PRMT1: variants seen among roughly 807,000 people sequenced by gnomAD.
PRMT1 encodes protein arginine N-methyltransferase 1.
Under a neutral mutation model 47.4 loss-of-function variants are expected in PRMT1, and 5 were observed. The observed-to-expected ratio is 0.11, with a 90% CI of 0.06 to 0.22. The LOEUF is 0.22. PRMT1 is among the 10% of genes least tolerant of loss of function. The probability of loss-of-function intolerance (pLI) is 1.00; values close to 1 mark genes in which losing one functional copy is unlikely to be tolerated. For synonymous variants in PRMT1, 227 were observed against 204.6 expected, an observed-to-expected ratio of 1.11 and a Z score of -0.94; for missense variants, 249 against 518.4, an observed-to-expected ratio of 0.48 and a Z score of 5.05.
At chr19:49,677,215 G>T (rs1275625635), upstream of PRMT1, 5 of 1,374,890 alleles carry the variant, frequency 3.6e-6, no homozygotes, top group African/African-American at 4.5e-5. Context: ...GGTATAAGGC[G>T]GTCCCGGGGG....
rs778185112 is a variant in PRMT1 at position 49,685,179 on chromosome 19, G to C, written c.759+142G>C. 1 of 1,546,842 alleles carries C rather than the reference G, an allele frequency of 6.5e-7. No homozygotes were observed. ...TCTGCCAGCCAGAGGTGGTGCTAGA[G>C]GCCCAGGAAAGACACTTCGTCCTTT... On this transcript the variant is annotated intron_variant, in intron 8 of 10. Transcript: ENST00000454376. This position sits in a 1 kb window ranked among gnomAD's most constrained non-coding sequence, Gnocchi z 4.7.
In PRMT1 at chr19:49,685,500, G is replaced by C. The variant is rs2082191396; in HGVS notation, c.759+463G>C. On this transcript the variant is annotated intron_variant, in intron 8 of 10. Transcript: ENST00000454376. This position sits in a 1 kb window ranked among gnomAD's most constrained non-coding sequence, Gnocchi z 4.7. The stretch of plus-strand genomic sequence containing the variant: ...ACTCCAGCTTTGGTGACAATGTTTT[G>C]TTTTGTTTTTTCCTTTTGTTTTTTT... 1 of 1,018,162 alleles carries C rather than the reference G, an allele frequency of 9.8e-7. No individual in the cohort carries two copies. The highest frequency in any genetic ancestry group is 1.7e-5 in the African/African-American group (1 of 57,628). 63.1% of individuals were successfully genotyped at this position (1,018,162 alleles called of 1,614,324 possible).
At chr19:49,686,570 C>G (rs1438484891) in intron 9 of PRMT1, 35 bp from the exon 10 acceptor site, 4 of 1,591,808 alleles carry the variant, frequency 2.5e-6, no homozygotes, top group Non-Finnish European at 3.4e-6. Flanking sequence ...GGGGGGGCAG[C>G]AGGCCGAGGC....
chr19:49,677,628 T>G, intron 1 of PRMT1: 12 of 244,544 alleles, frequency 4.9e-5, no homozygotes, highest in East Asian at 7.3e-5. Flanking sequence ...CCGAGTCCAG[T>G]GGCCCGGCGG....
rs934096235 is a variant in PRMT1, at chr19:49,686,174, G to A, written c.841G>A (p.Val281Met). The A allele has an allele frequency of 2.5e-6, 4 of 1,614,018 alleles. No individual in the cohort carries two copies. The highest frequency in any genetic ancestry group is 2.2e-5 in the East Asian group (1 of 44,874). The change falls in exon 9 of 11, where the codon GTG becomes ATG. Residue 281 changes from valine (V) to methionine (M), a missense_variant. This residue lies in a region of PRMT1 where 190 missense variants were observed against 456.7 expected (regional missense o/e 0.42). Transcript: ENST00000454376. ...FCLQVKRNDY[V>M]HALVAYFNIE... ...CCTGCAAGTGAAGCGGAATGACTACGTGCACGCCCTGGTGGCCTACTTCAA... is the reference window on the plus strand; with the variant it reads ...CCTGCAAGTGAAGCGGAATGACTACATGCACGCCCTGGTGGCCTACTTCAA...
chr19:49,679,385 A>G (rs1286779402), intron 1 of PRMT1, among the ~76,000 whole-genome samples: 1 of 152,134 alleles, frequency 6.6e-6, no homozygotes, highest in Admixed American at 6.5e-5. Flanking sequence ...TCTATTCTGG[A>G]ATCCTCTCAG....
At chr19:49,677,938 G>C (rs1361503625) in intron 1 of PRMT1, among the ~76,000 whole-genome samples, 1 of 152,120 alleles carries the variant, frequency 6.6e-6, no homozygotes, top group Non-Finnish European at 1.5e-5. Flanking sequence ...GTCCCCCGCC[G>C]ACCCCGTTTC....
Position 49,688,336 on chromosome 19 carries a change from A to C in PRMT1, c.*91A>C. 8.5e-7 allele frequency: 1 copy of C among 1,175,732 alleles called. No individual in the cohort carries two copies. Among genetic ancestry groups the C allele is most frequent in the Non-Finnish European group, 1.3e-6 (1 of 797,168 alleles). The allele number at this position is 1,175,732 out of a possible 1,614,324, so 72.8% of individuals were successfully genotyped here. A position where few individuals can be genotyped will look rare whatever the true frequency, so the allele number is the denominator to read the frequency against. On this transcript the variant is annotated 3_prime_UTR_variant, in exon 11 of 11. Coordinates refer to ENST00000454376, the MANE Select transcript of PRMT1 (RefSeq NM_001536.6). The surrounding 1 kb of genome is among the most constrained non-coding windows in gnomAD (Gnocchi z 5.3). ...CCTTCCTCTCCCTCCCTCCCGCAGA[A>C]GGGGGTTTTAGGGGCCTGGGCTGGG...
chr19:49,683,689 A>G (rs1230486373), intron 5 of PRMT1: 4 of 131,194 alleles, frequency 3.0e-5, no homozygotes, highest in Non-Finnish European at 4.2e-5. Flanking sequence ...CTCCGTCTCA[A>G]AAAAAAAAAA....
chr19:49,678,683 C>T (rs935416224), intron 1 of PRMT1, among the ~76,000 whole-genome samples: 3 of 152,060 alleles, frequency 2.0e-5, no homozygotes, highest in Non-Finnish European at 4.4e-5. Context: ...AGGGGCAGGT[C>T]AGCTCTCAGC....
At chr19:49,679,152 G>A (rs1174170552) in intron 1 of PRMT1, among the ~76,000 whole-genome samples, 5 of 152,110 alleles carry the variant, frequency 3.3e-5, no homozygotes, top group South Asian at 4.1e-4. Flanking sequence ...CCAAAGTGCC[G>A]GGATTGCAGG....
rs1392958712 is a variant in PRMT1, at chr19:49,685,748, G to A, written c.760-345G>A. 1.8e-6 allele frequency: 2 copies of A among 1,091,370 alleles called. No individual in the cohort carries two copies. Among genetic ancestry groups the A allele is most frequent in the Non-Finnish European group, 2.2e-6 (2 of 895,828 alleles). 67.6% of individuals were successfully genotyped at this position (1,091,370 alleles called of 1,614,324 possible). A position where few individuals can be genotyped will look rare whatever the true frequency, so the allele number is the denominator to read the frequency against. ...GCGCAGGGTTTAGGTTGGCATTTGT[G>A]TTGCCGTTTGAAGCCATCATGTTGT... On this transcript the variant is annotated intron_variant, in intron 8 of 10. Coordinates refer to ENST00000454376, the MANE Select transcript of PRMT1 (RefSeq NM_001536.6). The surrounding 1 kb of genome is among the most constrained non-coding windows in gnomAD (Gnocchi z 4.7).
In PRMT1 at chr19:49,680,680, T is replaced by G; in HGVS notation, c.192+92T>G. 1.2e-5 allele frequency: 12 copies of G among 1,028,206 alleles called. No homozygotes were observed. Among genetic ancestry groups the G allele is most frequent in the Middle Eastern group, 2.1e-4 (1 of 4,864 alleles). The allele number at this position is 1,028,206 out of a possible 1,614,324, so 63.7% of individuals were successfully genotyped here. A position where few individuals can be genotyped will look rare whatever the true frequency, so the allele number is the denominator to read the frequency against. On this transcript the variant is annotated intron_variant, in intron 3 of 10. Coordinates refer to ENST00000454376, the MANE Select transcript of PRMT1 (RefSeq NM_001536.6). The surrounding 1 kb of genome is among the most constrained non-coding windows in gnomAD (Gnocchi z 4.2). ...CTGTTTTCCCACGCATGCGCACTGC[T>G]TCCCCTGGCCGCAGGCCGCCCCCCT...
chr19:49,687,008 C>T (rs1262298063), intron 10 of PRMT1, among the ~76,000 whole-genome samples: 3 of 152,066 alleles, frequency 2.0e-5, no homozygotes, highest in Non-Finnish European at 4.4e-5. Flanking sequence ...TGCTTCCACT[C>T]TAGACAAGGG....
In PRMT1 at chr19:49,680,739, G is replaced by T; in HGVS notation, c.192+151G>T. ...GCTGCGCACTTCCTAGGGTCGCCTC[G>T]CCAAGCCGTTGCCTTGGAGACCGAG... On this transcript the variant is annotated intron_variant, in intron 3 of 10. Transcript: ENST00000454376. This position sits in a 1 kb window ranked among gnomAD's most constrained non-coding sequence, Gnocchi z 4.2. The T allele has an allele frequency of 7.6e-6, 5 of 654,894 alleles. No individual in the cohort carries two copies. Among genetic ancestry groups the T allele is most frequent in the Admixed American group, 5.0e-5 (2 of 39,664 alleles). 40.6% of individuals were successfully genotyped at this position (654,894 alleles called of 1,614,324 possible).
chr19:49,682,155 C>T (rs2082128383), intron 4 of PRMT1, 41 bp from the exon 5 acceptor site: 3 of 1,612,772 alleles, frequency 1.9e-6, no homozygotes, highest in Non-Finnish European at 2.5e-6. Context: ...GTGATGGGGG[C>T]AGGGGATGGG....
At position 49,680,248 on chromosome 19, in the gene PRMT1, G is replaced by T. The variant is rs777162245; in HGVS notation, c.91-239G>T. The T allele has an allele frequency of 2.5e-6, 4 of 1,581,164 alleles. No homozygotes were observed. In the East Asian group the frequency reaches 9.1e-5, roughly 36 times the overall value. On this transcript the variant is annotated intron_variant, in intron 2 of 10. Transcript: ENST00000454376. The surrounding 1 kb of genome is among the most constrained non-coding windows in gnomAD (Gnocchi z 4.2). ...AGAGACTGGAGAGATGGTAGGCGTG[G>T]CTGAGGTATCGGGGTGCTCCCCTGG...
intron 9 of PRMT1, 152 bp downstream of exon 9, chr19:49,686,395 G>C: frequency 7.9e-7 from 1 of 1,269,292 alleles, no homozygotes. Flanking sequence ...ACGTGGCCTT[G>C]GGCAAGTGAC....
At chr19:49,677,005 G>A (rs1426964662), upstream of PRMT1, 5 of 377,594 alleles carry the variant, frequency 1.3e-5, no homozygotes, top group Admixed American at 9.1e-5. Flanking sequence ...CACCAGTCGC[G>A]CTTCTTGCAA....
Sources: gnomAD v4.1 joint callset for allele counts (sites outside exome capture counted in the v4.1 genomes callset) on GRCh38, gnomAD v4.1.1 for gene constraint, gnomAD v4.1.1 regional missense constraint, Gnocchi (gnomAD v3.1) non-coding constraint, MANE v1.5 for transcripts, NCBI Gene and HGNC (gene_info 2026-07-23, HGNC 2026-07-21) for gene names.